C8orf34: variants seen among roughly 807,000 people sequenced by gnomAD.
C8orf34 encodes the protein uncharacterized protein C8orf34.
Under a neutral mutation model 68.3 loss-of-function variants are expected in C8orf34, and 65 were observed. The observed-to-expected ratio is 0.95, with a 90% CI of 0.78 to 1.17. The LOEUF is 1.17. C8orf34 is among the 50% of genes most tolerant of loss of function. The pLI, the probability that C8orf34 is intolerant of heterozygous loss-of-function variation, is 0.00. For synonymous variants in C8orf34, 244 were observed against 241.2 expected, an observed-to-expected ratio of 1.01 and a Z score of -0.11; for missense variants, 664 against 655.4, an observed-to-expected ratio of 1.01 and a Z score of -0.14.
chr8:68,561,569 C>T (rs1338167930), intron 7 of C8orf34, among the ~76,000 whole-genome samples: 1 of 152,050 alleles, frequency 6.6e-6, no homozygotes, highest in Admixed American at 6.5e-5. Flanking sequence ...TCAGCCTGGC[C>T]AACATGGTGG....
intron 5 of C8orf34, among the ~76,000 whole-genome samples, chr8:68,499,721 A>T (rs1409782068): frequency 6.6e-6 from 1 of 152,198 alleles, no homozygotes; most frequent in East Asian, 1.9e-4. Flanking sequence ...GAAACCTGGA[A>T]GATACCACCT....
At chr8:68,665,818 C>T (rs987301184) in intron 8 of C8orf34, among the ~76,000 whole-genome samples, 3 of 144,940 alleles carry the variant, frequency 2.1e-5, no homozygotes, top group African/African-American at 7.4e-5. Context: ...AAAGTATCGT[C>T]ACTTATTATT....
intron 1 of C8orf34, among the ~76,000 whole-genome samples, chr8:68,427,483 A>G (rs1810276798): frequency 6.6e-6 from 1 of 152,206 alleles, no homozygotes; most frequent in African/African-American, 2.4e-5. Flanking sequence ...TGACATAACT[A>G]TATGTTATCT....
chr8:68,550,765 GT>G (rs1184266392), intron 7 of C8orf34, among the ~76,000 whole-genome samples: 1 of 150,074 alleles, frequency 6.7e-6, no homozygotes, highest in African/African-American at 2.4e-5. Context: ...CTAAGTTGGT[GT>G]TTTTGTGTTT....
intron 7 of C8orf34, among the ~76,000 whole-genome samples, chr8:68,573,716 A>G (rs979931610): frequency 6.6e-6 from 1 of 152,158 alleles, no homozygotes; most frequent in Non-Finnish European, 1.5e-5. Context: ...GCATGCTTCC[A>G]CATAGAATAC....
chr8:68,457,394 A>G (rs1811598455), intron 3 of C8orf34, among the ~76,000 whole-genome samples: 1 of 152,166 alleles, frequency 6.6e-6, no homozygotes, highest in Admixed American at 6.5e-5. Context: ...TACTGGGGAT[A>G]TTTCCTGGCA....
chr8:68,423,239 TTC>T (rs1358312667), intron 1 of C8orf34, among the ~76,000 whole-genome samples: 1 of 152,146 alleles, frequency 6.6e-6, no homozygotes, highest in Non-Finnish European at 1.5e-5. Context: ...GCTTTTTATG[TTC>T]TGTTTCCTCT....
At chr8:68,374,508 C>G (rs975801933) in intron 1 of C8orf34, among the ~76,000 whole-genome samples, 1 of 152,120 alleles carries the variant, frequency 6.6e-6, no homozygotes, top group Non-Finnish European at 1.5e-5. Context: ...CAGCTGTTCA[C>G]CAAACACAAA....
intron 7 of C8orf34, among the ~76,000 whole-genome samples, chr8:68,630,539 A>G (rs1276501164): frequency 6.6e-6 from 1 of 152,138 alleles, no homozygotes; most frequent in Non-Finnish European, 1.5e-5. Context: ...TTAGTTGAAT[A>G]TATAATTTTA....
Position 68,405,821 on chromosome 8 carries a change from G to A in C8orf34, c.328-33678G>A, listed in dbSNP as rs1809167125. Among the ~76,000 whole-genome samples the A allele has an allele frequency of 5.3e-5, 8 of 152,096 alleles. No homozygotes were observed. The South Asian group carries it at 1.5e-3, about 28-fold the overall frequency. On this transcript the variant is annotated intron_variant, in intron 1 of 13. Coordinates refer to ENST00000518698, the MANE Select transcript of C8orf34 (RefSeq NM_052958.4). ...TAAAGATGAATAAACTACTTAAAAG[G>A]CTCTGTACTATTTTCCTTTATAATG...
chr8:68,444,837 T>C (rs1187810193), intron 2 of C8orf34, among the ~76,000 whole-genome samples: 1 of 152,210 alleles, frequency 6.6e-6, no homozygotes, highest in African/African-American at 2.4e-5. Context: ...CTCTGGCTCC[T>C]TTTAATATTC....
chr8:68,540,031 C>T (rs1313077702), intron 7 of C8orf34, among the ~76,000 whole-genome samples: 2 of 151,778 alleles, frequency 1.3e-5, no homozygotes, highest in Non-Finnish European at 2.9e-5. Flanking sequence ...GTAAACTAGT[C>T]CTATGTGTGA....
At position 68,575,624 on chromosome 8, in the gene C8orf34, A is replaced by G. The variant is rs143034046; in HGVS notation, c.1105+42475A>G. On this transcript the variant is annotated intron_variant, in intron 7 of 13. Coordinates refer to ENST00000518698, the MANE Select transcript of C8orf34 (RefSeq NM_052958.4). ...GGTGTATAATCTCTACAGCTCATAC[A>G]CAATGATAACTCATCCTAAACCTGT... 8.1e-3 allele frequency among the ~76,000 whole-genome samples: 1,240 copies of G among 152,188 alleles called. 20 individuals are homozygous for G. Among genetic ancestry groups the G allele is most frequent in the African/African-American group, 0.028 (1,169 of 41,538 alleles).
intron 5 of C8orf34, among the ~76,000 whole-genome samples, chr8:68,503,588 T>A (rs1254230626): frequency 6.6e-6 from 1 of 152,018 alleles, no homozygotes; most frequent in Non-Finnish European, 1.5e-5. Flanking sequence ...GAGAGAATAT[T>A]GGGCACCTGT....
At chr8:68,694,811 T>A (rs907367877) in intron 8 of C8orf34, among the ~76,000 whole-genome samples, 2 of 152,086 alleles carry the variant, frequency 1.3e-5, no homozygotes, top group Non-Finnish European at 2.9e-5. Context: ...TTACTTGCTA[T>A]GGTAATTATC....
chr8:68,401,115 G>GTTTT lies in C8orf34; in HGVS notation c.328-38372_328-38369dup, dbSNP rs57444673. Among the ~76,000 whole-genome samples the GTTTT allele has an allele frequency of 5.5e-4, 76 of 139,028 alleles. 1 individual carries two copies. The highest frequency in any genetic ancestry group is 1.8e-3 in the African/African-American group (66 of 37,678). The allele number at this position is 139,028 out of a possible 152,430, so 91.2% of individuals were successfully genotyped here. A position where few individuals can be genotyped will look rare whatever the true frequency, so the allele number is the denominator to read the frequency against. ...ACCTCCTTGGTTAAACATATTCCTA[G>GTTTT]TTTTTTTTTTTTTTTGTAGCTATTG... On this transcript the variant is annotated intron_variant, in intron 1 of 13. Transcript: ENST00000518698.
At chr8:68,340,998 C>A (rs1042109876) in intron 1 of C8orf34, among the ~76,000 whole-genome samples, 1 of 152,128 alleles carries the variant, frequency 6.6e-6, no homozygotes, top group Admixed American at 6.5e-5. Flanking sequence ...AAGGATAATC[C>A]AATTAGAAAA....
At chr8:68,741,788 G>A (rs939716275) in intron 10 of C8orf34, among the ~76,000 whole-genome samples, 5 of 152,154 alleles carry the variant, frequency 3.3e-5, no homozygotes, top group African/African-American at 1.2e-4. Context: ...CCATGTTGTT[G>A]TAAATGACTG....
chr8:68,388,331 A>G (rs573468173), intron 1 of C8orf34, among the ~76,000 whole-genome samples: 75 of 152,258 alleles, frequency 4.9e-4, no homozygotes, highest in African/African-American at 1.5e-3. Context: ...GGAGTCTGAC[A>G]TAGCTTTCCT....
Sources: gnomAD v4.1 joint callset for allele counts (sites outside exome capture counted in the v4.1 genomes callset) on GRCh38, gnomAD v4.1.1 for gene constraint, MANE v1.5 for transcripts, NCBI Gene and HGNC (gene_info 2026-07-23, HGNC 2026-07-21) for gene names.